GPLD1: variants seen among roughly 807,000 people sequenced by gnomAD.
The protein encoded by GPLD1 is phosphatidylinositol-glycan-specific phospholipase D.
Under a neutral mutation model 112.6 loss-of-function variants are expected in GPLD1, and 84 were observed. The ratio of observed to expected loss-of-function variants is 0.75; its 90% CI spans 0.63 to 0.89. The LOEUF is 0.89. Ranked by LOEUF, GPLD1 falls within the 40% of genes least tolerant of loss-of-function variation. GPLD1 has a pLI of 0.00. For synonymous variants in GPLD1, 386 were observed against 403.8 expected (o/e 0.96, Z 0.53); for missense variants, 1,044 against 1,051.5 (o/e 0.99, Z 0.10).
At chr6:24,458,625 T>C (rs1387846238) in intron 12 of GPLD1, among the ~76,000 whole-genome samples, 1 of 152,190 alleles carries the variant, frequency 6.6e-6, no homozygotes, top group African/African-American at 2.4e-5. Flanking sequence ...ACGCCTGTAA[T>C]CCCAGCACTT....
At chr6:24,443,997 A>G (rs1762831854) in intron 20 of GPLD1, among the ~76,000 whole-genome samples, 1 of 152,124 alleles carries the variant, frequency 6.6e-6, no homozygotes, top group African/African-American at 2.4e-5. Context: ...TCTGCTTATT[A>G]TTCAAATCTT....
intron 7 of GPLD1, among the ~76,000 whole-genome samples, chr6:24,471,184 C>T (rs1380585606): frequency 6.6e-6 from 1 of 152,190 alleles, no homozygotes; most frequent in Non-Finnish European, 1.5e-5. Flanking sequence ...CTGACCCATA[C>T]ATATACATAA....
intron 10 of GPLD1, among the ~76,000 whole-genome samples, chr6:24,464,800 G>A (rs900005329): frequency 7.2e-5 from 11 of 152,138 alleles, no homozygotes; most frequent in Non-Finnish European, 1.5e-4. Flanking sequence ...CCCTTTCCCC[G>A]ATTCGGGGGC....
chr6:24,480,389 C>T (rs1341619625), intron 2 of GPLD1, among the ~76,000 whole-genome samples: 5 of 152,054 alleles, frequency 3.3e-5, no homozygotes, highest in Non-Finnish European at 7.4e-5. Flanking sequence ...AGTGCAGTGG[C>T]GCAATCTCAG....
At chr6:24,482,097 A>G (rs1166320187) in intron 2 of GPLD1, among the ~76,000 whole-genome samples, 1 of 103,226 alleles carries the variant, frequency 9.7e-6, no homozygotes, top group Non-Finnish European at 1.9e-5. Context: ...GTATTTTTGG[A>G]TTTTTTTTTT....
At chr6:24,472,433 C>A (rs1289958805) in intron 7 of GPLD1, 149 bp downstream of exon 7, 3 of 543,850 alleles carry the variant, frequency 5.5e-6, no homozygotes, top group Admixed American at 7.0e-5. Context: ...CTCAAAGAAT[C>A]TAAACTATGC....
intron 1 of GPLD1, among the ~76,000 whole-genome samples, chr6:24,488,989 T>C (rs1320990035): frequency 1.3e-5 from 2 of 152,202 alleles, no homozygotes; most frequent in East Asian, 3.9e-4. Context: ...CATGGCCACA[T>C]ATGGCTCTTT....
rs1581743360 is a variant in GPLD1, at chr6:24,446,886, T to C, written c.1772A>G (p.Asn591Ser). 3 of 1,614,120 alleles carry C rather than the reference T, an allele frequency of 1.9e-6. No homozygotes were observed. The highest frequency in any genetic ancestry group is 1.7e-6 in the Non-Finnish European group (2 of 1,180,010). Residue 591 changes from asparagine to serine, a missense_variant, in exon 18 of 25, where the codon AAC (asparagine) becomes AGC (serine). Coordinates refer to ENST00000230036, the MANE Select transcript of GPLD1 (RefSeq NM_001503.4). ...GYSLHGVTVD[N>S]RTLLLVGSPT... ...GCTCCCAACCAACAGCAAGGTTCTG[T>C]TGTCCACAGTGACACCGTGAAGGGA... is the stretch of plus-strand genomic sequence containing the variant.
chr6:24,463,077 G>A (rs927956399), intron 10 of GPLD1, among the ~76,000 whole-genome samples: 13 of 152,128 alleles, frequency 8.5e-5, no homozygotes, highest in Non-Finnish European at 1.9e-4. Context: ...ACGCTAACAC[G>A]AAACGTCTCA....
At chr6:24,490,224 G>C (rs1394945405), upstream of GPLD1, among the ~76,000 whole-genome samples, 1 of 152,160 alleles carries the variant, frequency 6.6e-6, no homozygotes, top group Non-Finnish European at 1.5e-5. Flanking sequence ...TGGAAGGAAG[G>C]GGGCAGATTT....
At chr6:24,457,723 A>G (rs1763312383) in intron 12 of GPLD1, among the ~76,000 whole-genome samples, 1 of 152,020 alleles carries the variant, frequency 6.6e-6, no homozygotes, top group Non-Finnish European at 1.5e-5. Context: ...TCTACTAAAA[A>G]TTAGCTGGGA....
rs1398715242 is a variant in GPLD1, at chr6:24,426,658, C to A, written c.*2374G>T. Among the ~76,000 whole-genome samples the A allele has an allele frequency of 6.6e-6, 1 of 151,020 alleles. No individual in the cohort carries two copies. The highest frequency in any genetic ancestry group is 2.0e-4 in the East Asian group (1 of 5,104). ...TAAATGCATCCGTCTAATGAAAAGA[C>A]CCAGTACTGAGAAAAACATCCCTTT... On this transcript the variant is annotated 3_prime_UTR_variant, in exon 25 of 25. Coordinates refer to ENST00000230036, the MANE Select transcript of GPLD1 (RefSeq NM_001503.4).
intron 10 of GPLD1, among the ~76,000 whole-genome samples, chr6:24,465,669 T>C (rs1445581875): frequency 1.3e-5 from 2 of 152,192 alleles, no homozygotes; most frequent in Non-Finnish European, 2.9e-5. Flanking sequence ...AATGATCTAC[T>C]ACAGCTAGAA....
Position 24,454,036 on chromosome 6 carries a change from G to A in GPLD1, c.1314C>T (p.His438=). The part of the protein sequence containing the change: ...PVDLDLDKEA[H]RILEGFQPSG... ...TCACCTGGAAGCCTTCAAGGATCCT[G>A]TGGGCCTCCTTGTCCAGGTCCAGGT... Residue 438 remains histidine (H), a synonymous_variant, in exon 14 of 25, where the codon CAC becomes CAT. Coordinates refer to ENST00000230036, the MANE Select transcript of GPLD1 (RefSeq NM_001503.4). 1 of 1,611,382 alleles carries A rather than the reference G, an allele frequency of 6.2e-7. No homozygotes were observed. Among genetic ancestry groups the A allele is most frequent in the South Asian group, 1.1e-5 (1 of 90,890 alleles).
intron 3 of GPLD1, among the ~76,000 whole-genome samples, chr6:24,478,563 C>G (rs1463076517): frequency 6.6e-6 from 1 of 152,196 alleles, no homozygotes; most frequent in Non-Finnish European, 1.5e-5. Flanking sequence ...CTGAGGTCAC[C>G]TGCTTCAACT....
rs766427956 is a variant in GPLD1, at chr6:24,454,008, G to A, written c.1335+7C>T. 7 of 1,587,642 alleles carry A rather than the reference G, an allele frequency of 4.4e-6. No individual in the cohort carries two copies. Among genetic ancestry groups the A allele is most frequent in the Non-Finnish European group, 6.0e-6 (7 of 1,159,180 alleles). On this transcript the variant is annotated splice_region_variant and intron_variant, in intron 14 of 24. Coordinates refer to ENST00000230036, the MANE Select transcript of GPLD1 (RefSeq NM_001503.4). ...ACTAGAAGAGAAAGGATGAGATGGT[G>A]TCTCACCTGGAAGCCTTCAAGGATC...
At chr6:24,474,380 A>G (rs1763939202) in intron 5 of GPLD1, among the ~76,000 whole-genome samples, 1 of 152,170 alleles carries the variant, frequency 6.6e-6, no homozygotes, top group Non-Finnish European at 1.5e-5. Flanking sequence ...ATCAGGTAAG[A>G]TCACAATTTT....
chr6:24,494,805 G>A (rs1300514081), intron 1 of GPLD1: 5 of 577,890 alleles, frequency 8.7e-6, no homozygotes, highest in Admixed American at 9.0e-5. Context: ...GGTGCAGAGG[G>A]CGGCGCGGCG....
At chr6:24,466,615 T>C (rs114001045) in intron 10 of GPLD1, 65 bp downstream of exon 10, 4 of 1,338,284 alleles carry the variant, frequency 3.0e-6, no homozygotes, top group African/African-American at 1.5e-5. Context: ...AACCTGAGAG[T>C]TATGTTGGGG....
Sources: allele counts gnomAD v4.1 joint callset (sites outside exome capture counted in the v4.1 genomes callset), GRCh38; gene constraint gnomAD v4.1.1; transcripts MANE v1.5; gene names NCBI Gene and HGNC (gene_info 2026-07-23, HGNC 2026-07-21).